Variants in NCAM2 observed in about 807,000 individuals in gnomAD.
NCAM2 encodes the protein N-CAM-2.
A neutral mutation model predicts 98.1 loss-of-function variants in NCAM2; 30 were observed. That is an observed-to-expected ratio of 0.31 (90% confidence interval 0.23 to 0.41). NCAM2 has a LOEUF of 0.41. NCAM2 is among the 10% of genes least tolerant of loss of function. The probability of loss-of-function intolerance (pLI) is 1.00; values close to 1 mark genes in which losing one functional copy is unlikely to be tolerated. For synonymous variants in NCAM2, 368 were observed against 342.4 expected (o/e 1.07, Z -0.83); for missense variants, 867 against 1,005.8 (o/e 0.86, Z 1.87).
At chr21:21,065,647 A>G (rs759493201) in intron 1 of NCAM2, among the ~76,000 whole-genome samples, 39 of 152,130 alleles carry the variant, frequency 2.6e-4, no homozygotes, top group Non-Finnish European at 5.3e-4. Flanking sequence ...TAGAGTCCCA[A>G]TTCATTGAGG....
intron 1 of NCAM2, among the ~76,000 whole-genome samples, chr21:21,116,454 T>TTCTGTTTCCTATGGCTTAC: frequency 6.6e-6 from 1 of 152,158 alleles, no homozygotes; most frequent in East Asian, 1.9e-4. Flanking sequence ...GCTGACGAAG[T>TTCTGTTTCCTATGGCTTAC]GTCTTTCACC....
chr21:21,133,939 G>A (rs1366334620), intron 1 of NCAM2, among the ~76,000 whole-genome samples: 1 of 151,956 alleles, frequency 6.6e-6, no homozygotes, highest in Non-Finnish European at 1.5e-5. Flanking sequence ...AGATGGTTGT[G>A]GATATTCCAA....
At chr21:21,499,729 G>A (rs1413234850) in intron 15 of NCAM2, among the ~76,000 whole-genome samples, 2 of 152,032 alleles carry the variant, frequency 1.3e-5, no homozygotes, top group East Asian at 3.9e-4. Context: ...TGTATATAAT[G>A]ACTTGGAATT....
intron 1 of NCAM2, among the ~76,000 whole-genome samples, chr21:21,123,847 G>GTTTTT (rs1569047303): frequency 6.8e-5 from 1 of 14,814 alleles, no homozygotes; most frequent in Non-Finnish European, 1.6e-4. Flanking sequence ...ATTCTTGATT[G>GTTTTT]CTTTTTTTTT....
intron 1 of NCAM2, among the ~76,000 whole-genome samples, chr21:21,264,681 A>G (rs1031269737): frequency 1.3e-5 from 2 of 150,372 alleles, no homozygotes; most frequent in East Asian, 2.0e-4. Context: ...ACACACACAT[A>G]TATACACACA....
intron 1 of NCAM2, among the ~76,000 whole-genome samples, chr21:21,233,756 G>A (rs2826743): frequency 0.5 from 75,408 of 151,364 alleles, 19,230 homozygotes; most frequent in East Asian, 0.63. Flanking sequence ...ATTCAATAAC[G>A]TGTTTCCCCA....
chr21:21,387,203 C>T (rs1003871493), intron 9 of NCAM2, among the ~76,000 whole-genome samples: 1 of 151,242 alleles, frequency 6.6e-6, no homozygotes, highest in African/African-American at 2.4e-5. Flanking sequence ...CACACACACA[C>T]ACACACACAC....
intron 1 of NCAM2, among the ~76,000 whole-genome samples, chr21:21,071,160 G>A (rs935819167): frequency 2.0e-5 from 3 of 152,130 alleles, no homozygotes; most frequent in African/African-American, 7.2e-5. Flanking sequence ...TAATTCCTAT[G>A]AGTAAATGAG....
intron 1 of NCAM2, among the ~76,000 whole-genome samples, chr21:21,144,887 T>A (rs192500689): frequency 1.4e-4 from 22 of 152,270 alleles, no homozygotes; most frequent in Admixed American, 1.4e-3. Context: ...TAAAAGCATG[T>A]CAACACTAGT....
At chr21:21,214,737 A>ATC (rs2069810246) in intron 1 of NCAM2, among the ~76,000 whole-genome samples, 1 of 94,436 alleles carries the variant, frequency 1.1e-5, no homozygotes, top group Non-Finnish European at 2.6e-5. Context: ...ATATATATAT[A>ATC]TATATATATA....
At chr21:21,458,827 A>G (rs1982541433) in intron 12 of NCAM2, among the ~76,000 whole-genome samples, 1 of 152,218 alleles carries the variant, frequency 6.6e-6, no homozygotes. Flanking sequence ...CCTAGGCAAC[A>G]AAAGCAAAAA....
chr21:21,255,952 A>G (rs2147314066), intron 1 of NCAM2, among the ~76,000 whole-genome samples: 1 of 152,340 alleles, frequency 6.6e-6, no homozygotes, highest in Admixed American at 6.5e-5. Flanking sequence ...TTATGGTAGT[A>G]ACTGCCTCCT....
intron 16 of NCAM2, among the ~76,000 whole-genome samples, chr21:21,512,487 A>G (rs1004394649): frequency 6.6e-6 from 1 of 151,898 alleles, no homozygotes; most frequent in African/African-American, 2.4e-5. Context: ...TTTGTTTATT[A>G]TACCTTTGTA....
At chr21:21,434,031 G>A (rs948418010) in intron 12 of NCAM2, among the ~76,000 whole-genome samples, 1 of 152,188 alleles carries the variant, frequency 6.6e-6, no homozygotes, top group Non-Finnish European at 1.5e-5. Context: ...CAAAGGTGCA[G>A]CACGATGGAG....
chr21:21,467,886 A>G (rs1293129007), intron 13 of NCAM2, among the ~76,000 whole-genome samples: 2 of 151,976 alleles, frequency 1.3e-5, no homozygotes, highest in African/African-American at 4.8e-5. Flanking sequence ...AAAGAAAGAA[A>G]GAAAAAAGAA....
At chr21:21,195,322 A>G (rs1036503993) in intron 1 of NCAM2, among the ~76,000 whole-genome samples, 7 of 152,224 alleles carry the variant, frequency 4.6e-5, no homozygotes, top group Admixed American at 6.5e-5. Context: ...CCATGTTTAC[A>G]ACTTTCAGTA....
At chr21:21,013,644 G>T (rs2064250168) in intron 1 of NCAM2, among the ~76,000 whole-genome samples, 1 of 152,114 alleles carries the variant, frequency 6.6e-6, no homozygotes, top group Non-Finnish European at 1.5e-5. Flanking sequence ...AGTGGAGCAT[G>T]GTGGTGCATG....
At chr21:21,298,946 G>A (rs778104712) in intron 5 of NCAM2, among the ~76,000 whole-genome samples, 2 of 150,598 alleles carry the variant, frequency 1.3e-5, no homozygotes, top group Admixed American at 1.3e-4. Flanking sequence ...GTTGATTAGG[G>A]GCTGACCTTT....
intron 1 of NCAM2, among the ~76,000 whole-genome samples, chr21:21,130,208 C>T (rs1028582644): frequency 6.6e-6 from 1 of 152,054 alleles, no homozygotes; most frequent in Non-Finnish European, 1.5e-5. Flanking sequence ...ATTTTATGCA[C>T]TGTGGAATAG....
Sources: allele counts gnomAD v4.1 joint callset (sites outside exome capture counted in the v4.1 genomes callset), GRCh38; gene constraint gnomAD v4.1.1; transcripts MANE v1.5; gene names NCBI Gene and HGNC (gene_info 2026-07-23, HGNC 2026-07-21).